The following STPG2 variants were observed in gnomAD, a reference collection of about 807,000 sequenced individuals.
The protein encoded by STPG2 is sperm-tail PG-rich repeat-containing protein 2.
A neutral mutation model predicts 54.2 loss-of-function variants in STPG2; 56 were observed. That is an observed-to-expected ratio of 1.03 (90% CI 0.83 to 1.29). The LOEUF (loss-of-function observed/expected upper bound fraction) is 1.29, where lower values mean the gene tolerates loss of function less well. Among genes scored for constraint, STPG2 ranks in the 50% most tolerant of loss-of-function variants. The pLI is 0.00. For synonymous variants in STPG2, 200 were observed against 181.8 expected (o/e 1.10, Z -0.81); for missense variants, 596 against 544.9 (o/e 1.09, Z -0.93).
chr4:97,892,559 G>C (rs949001529), intron 8 of STPG2, among the ~76,000 whole-genome samples: 5 of 152,256 alleles, frequency 3.3e-5, no homozygotes, highest in African/African-American at 1.2e-4. Context: ...GGAGGAGCTA[G>C]GGACTTCTCC....
At chr4:98,041,034 T>C (rs1736937600) in intron 5 of STPG2, among the ~76,000 whole-genome samples, 1 of 151,784 alleles carries the variant, frequency 6.6e-6, no homozygotes, top group African/African-American at 2.4e-5. Flanking sequence ...GTTTCACCAT[T>C]TTCCTTTCTT....
chr4:97,533,149 G>A (rs546007768), intron 4 of STPG2, among the ~76,000 whole-genome samples: 5 of 152,014 alleles, frequency 3.3e-5, no homozygotes, highest in Non-Finnish European at 7.4e-5. Context: ...CCAAAGTGCT[G>A]GGATTACAGG....
chr4:97,660,639 C>T (rs10014956), intron 10 of STPG2, among the ~76,000 whole-genome samples: 70,327 of 151,908 alleles, frequency 0.46, 17,922 homozygotes, highest in South Asian at 0.65. Flanking sequence ...ACACGCAAGG[C>T]AAGTATAATC....
At chr4:97,989,618 T>C (rs1463197952) in intron 5 of STPG2, among the ~76,000 whole-genome samples, 1 of 152,216 alleles carries the variant, frequency 6.6e-6, no homozygotes, top group Non-Finnish European at 1.5e-5. Flanking sequence ...TTTCTTTCCT[T>C]ATTGTCAATA....
At position 98,130,945 on chromosome 4, in the gene STPG2, AAAAAAC is replaced by A. The variant is rs1464043499; in HGVS notation, c.223-2359_223-2354del. Among the ~76,000 whole-genome samples, 7 of 127,810 alleles carry A rather than the reference AAAAAAC, an allele frequency of 5.5e-5. 2 individuals are homozygous for A. In the East Asian group the frequency reaches 7.8e-4, roughly 14 times the overall value. 83.8% of individuals were successfully genotyped at this position (127,810 alleles called of 152,430 possible). A position where few individuals can be genotyped will look rare whatever the true frequency, so the allele number is the denominator to read the frequency against. ...TCAAAAAAAAAAAAAAAAAACAAAAAAAAAACGACTTTCCAAAATATAGCCCCTACC... is the reference window on the plus strand; with the variant it reads ...TCAAAAAAAAAAAAAAAAAACAAAAAGACTTTCCAAAATATAGCCCCTACC... On this transcript the variant is annotated intron_variant, in intron 2 of 10. Coordinates refer to ENST00000295268, the MANE Select transcript of STPG2 (RefSeq NM_174952.3).
intron 5 of STPG2, among the ~76,000 whole-genome samples, chr4:97,998,233 G>C (rs1464615302): frequency 6.6e-6 from 1 of 152,084 alleles, no homozygotes; most frequent in Admixed American, 6.6e-5. Flanking sequence ...AAATTATGTA[G>C]CACCAATTCT....
intron 10 of STPG2, among the ~76,000 whole-genome samples, chr4:97,566,972 T>C (rs750584354): frequency 1.3e-5 from 2 of 151,916 alleles, no homozygotes; most frequent in Admixed American, 6.6e-5. Flanking sequence ...GCATGGTACA[T>C]GTATACATAT....
Position 97,454,668 on chromosome 4 carries a change from T to C in STPG2, c.462+258031A>G, listed in dbSNP as rs191863244. On this transcript the variant is annotated intron_variant, in intron 4 of 4. Transcript: ENST00000522676. ...GCCCATGCAAAGTTAAATGTTTAAA[T>C]GTTAAAAAAAAATCTGGAATATTAG... Among the ~76,000 whole-genome samples, 352 of 151,012 alleles carry C rather than the reference T, an allele frequency of 2.3e-3. 2 individuals carry two copies. Among genetic ancestry groups the C allele is most frequent in the Non-Finnish European group, 3.9e-3 (264 of 67,854 alleles).
chr4:97,906,472 T>C (rs562760079), intron 8 of STPG2, among the ~76,000 whole-genome samples: 2 of 152,304 alleles, frequency 1.3e-5, no homozygotes, highest in South Asian at 2.1e-4. Context: ...TCTGAAACTA[T>C]TCCTATCAAT....
At chr4:97,915,204 T>G (rs915677481) in intron 8 of STPG2, among the ~76,000 whole-genome samples, 7 of 152,100 alleles carry the variant, frequency 4.6e-5, no homozygotes, top group African/African-American at 1.4e-4. Context: ...AGTACAAGGG[T>G]AAATCAGACA....
chr4:97,740,077 G>C (rs1725170901), intron 9 of STPG2, among the ~76,000 whole-genome samples: 1 of 151,828 alleles, frequency 6.6e-6, no homozygotes, highest in Non-Finnish European at 1.5e-5. Context: ...ATCAATAAAT[G>C]TAATCCAGCA....
intron 10 of STPG2, among the ~76,000 whole-genome samples, chr4:97,581,882 T>C (rs1732871222): frequency 6.6e-6 from 1 of 151,962 alleles, no homozygotes; most frequent in Non-Finnish European, 1.5e-5. Context: ...CACATTATCC[T>C]TCCAGCCTGG....
intron 10 of STPG2, among the ~76,000 whole-genome samples, chr4:97,681,728 T>C (rs1723041006): frequency 6.6e-6 from 1 of 151,834 alleles, no homozygotes; most frequent in African/African-American, 2.4e-5. Flanking sequence ...GAAGATTATT[T>C]AAAATAGATT....
At chr4:97,449,543 A>T (rs1729312846) in intron 4 of STPG2, among the ~76,000 whole-genome samples, 1 of 152,174 alleles carries the variant, frequency 6.6e-6, no homozygotes, top group East Asian at 1.9e-4. Flanking sequence ...CTGATTAAAG[A>T]ACGAAATTAA....
chr4:97,473,802 C>G (rs1008750832), intron 4 of STPG2, among the ~76,000 whole-genome samples: 13 of 152,090 alleles, frequency 8.5e-5, no homozygotes, highest in Admixed American at 3.3e-4. Context: ...TAAAATTTCT[C>G]TCTTTTGTAC....
At chr4:98,002,072 G>T (rs919396159) in intron 5 of STPG2, among the ~76,000 whole-genome samples, 1 of 151,998 alleles carries the variant, frequency 6.6e-6, no homozygotes, top group Non-Finnish European at 1.5e-5. Flanking sequence ...TTTGATCAAT[G>T]AGTTGGCATT....
At chr4:97,928,958 GC>G in intron 8 of STPG2, among the ~76,000 whole-genome samples, 1 of 152,086 alleles carries the variant, frequency 6.6e-6, no homozygotes, top group East Asian at 1.9e-4. Context: ...ACAGAGATCT[GC>G]TGTACAGATA....
At chr4:97,538,981 T>C (rs1578372272) in intron 4 of STPG2, among the ~76,000 whole-genome samples, 2 of 152,168 alleles carry the variant, frequency 1.3e-5, no homozygotes, top group Non-Finnish European at 2.9e-5. Flanking sequence ...CCTTTACAGA[T>C]AAGCAAATGC....
chr4:97,948,991 T>C (rs1156922793), intron 7 of STPG2, among the ~76,000 whole-genome samples: 1 of 152,150 alleles, frequency 6.6e-6, no homozygotes, highest in Non-Finnish European at 1.5e-5. Context: ...GTCATCTGTA[T>C]ACTGCTGTCA....
Sources: gnomAD v4.1 joint callset for allele counts (sites outside exome capture counted in the v4.1 genomes callset) on GRCh38, gnomAD v4.1.1 for gene constraint, MANE v1.5 for transcripts, NCBI Gene and HGNC (gene_info 2026-07-23, HGNC 2026-07-21) for gene names.